TOP2B: variants seen among roughly 807,000 people sequenced by gnomAD.
TOP2B encodes DNA topoisomerase II beta.
In TOP2B, 51 loss-of-function variants were observed where a neutral mutation model predicts 193.5. The ratio of observed to expected loss-of-function variants is 0.26; its 90% CI spans 0.21 to 0.33. The LOEUF (loss-of-function observed/expected upper bound fraction) is 0.33, where lower values mean the gene tolerates loss of function less well. Among genes scored for constraint, TOP2B ranks in the 10% least tolerant of loss-of-function variants. The pLI, the probability that TOP2B is intolerant of heterozygous loss-of-function variation, is 1.00. For synonymous variants in TOP2B, 634 were observed against 635.7 expected (o/e 1.00, Z 0.04); for missense variants, 1,378 against 1,909.3 (o/e 0.72, Z 5.19).
At chr3:25,617,961 A>C (rs1702549331) in intron 25 of TOP2B, among the ~76,000 whole-genome samples, 2 of 152,210 alleles carry the variant, frequency 1.3e-5, no homozygotes, top group Non-Finnish European at 2.9e-5. Flanking sequence ...AATACTGTCT[A>C]TAATAATTAA....
Position 25,629,160 on chromosome 3 carries a change from G to A in TOP2B, c.1690-15C>T, listed in dbSNP as rs752771838. 5 of 1,496,006 alleles carry A rather than the reference G, an allele frequency of 3.3e-6. No homozygotes were observed. In the East Asian group the frequency reaches 6.9e-5, roughly 21 times the overall value. 92.7% of individuals were successfully genotyped at this position (1,496,006 alleles called of 1,614,324 possible). A position where few individuals can be genotyped will look rare whatever the true frequency, so the allele number is the denominator to read the frequency against. On this transcript the variant is annotated splice_polypyrimidine_tract_variant and intron_variant, in intron 13 of 35. Transcript: ENST00000264331. ...CCATCTTGATCCTAAATAAATGTTA[G>A]TAAAGTAAAAAATGTTGTAATACTT...
rs1704026069 is a variant in TOP2B, at chr3:25,664,413, C to T, written c.-116G>A. On this transcript the variant is annotated 5_prime_UTR_variant, in exon 1 of 36. Transcript: ENST00000264331. ...GCTCCACTCGCCGCACTCCTAGCCGCGCCGACCCCCGCGCCCCATCGCGAA... is the reference window on the plus strand; with the variant it reads ...GCTCCACTCGCCGCACTCCTAGCCGTGCCGACCCCCGCGCCCCATCGCGAA... The T allele has an allele frequency of 2.3e-6, 3 of 1,287,646 alleles. No individual in the cohort carries two copies. Among genetic ancestry groups the T allele is most frequent in the Non-Finnish European group, 2.9e-6 (3 of 1,023,898 alleles). 79.8% of individuals were successfully genotyped at this position (1,287,646 alleles called of 1,614,324 possible). A position where few individuals can be genotyped will look rare whatever the true frequency, so the allele number is the denominator to read the frequency against.
At chr3:25,636,520 C>T (rs1016571146) in intron 6 of TOP2B, among the ~76,000 whole-genome samples, 2 of 151,964 alleles carry the variant, frequency 1.3e-5, no homozygotes, top group Admixed American at 1.3e-4. Context: ...AATACTACCC[C>T]ATTTTATATA....
At chr3:25,609,155 T>G in intron 30 of TOP2B, 28 bp downstream of exon 30, 1 of 1,570,544 alleles carries the variant, frequency 6.4e-7, no homozygotes, top group Non-Finnish European at 8.7e-7. Context: ...AACTATAATA[T>G]ACAGTAATAT....
At chr3:25,630,278 G>A (rs1702919608) in intron 12 of TOP2B, 34 bp downstream of exon 12, 11 of 1,541,218 alleles carry the variant, frequency 7.1e-6, no homozygotes, top group East Asian at 2.4e-5. Flanking sequence ...GTGTGCATGT[G>A]TGTATACACA....
At chr3:25,642,028 G>A (rs954951871) in intron 4 of TOP2B, among the ~76,000 whole-genome samples, 3 of 152,058 alleles carry the variant, frequency 2.0e-5, no homozygotes, top group Non-Finnish European at 4.4e-5. Flanking sequence ...ACTAACAATA[G>A]CCCTTAGCCT....
intron 1 of TOP2B, among the ~76,000 whole-genome samples, chr3:25,654,932 A>G (rs903536132): frequency 6.6e-6 from 1 of 152,200 alleles, no homozygotes; most frequent in East Asian, 1.9e-4. Context: ...CCTAAAAGTA[A>G]TACCTAAAAC....
chr3:25,607,417 G>A, intron 30 of TOP2B, 42 bp from the exon 31 acceptor site: 1 of 1,535,610 alleles, frequency 6.5e-7, no homozygotes, highest in Non-Finnish European at 8.8e-7. Flanking sequence ...TCAAATCCTA[G>A]CTTTGTATAC....
At chr3:25,629,837 C>T (rs1702908542) in intron 13 of TOP2B, among the ~76,000 whole-genome samples, 192 bp downstream of exon 13, 1 of 152,058 alleles carries the variant, frequency 6.6e-6, no homozygotes, top group African/African-American at 2.4e-5. Context: ...CTTAGTTACC[C>T]CAAAAATCAG....
At chr3:25,627,931 C>T (rs1230281787) in intron 15 of TOP2B, among the ~76,000 whole-genome samples, 3 of 151,840 alleles carry the variant, frequency 2.0e-5, no homozygotes, top group East Asian at 1.9e-4. Context: ...CATAGTGGCA[C>T]ATGCCTGTAA....
chr3:25,599,258 T>C (rs1702022156), intron 35 of TOP2B, among the ~76,000 whole-genome samples, 177 bp downstream of exon 35: 1 of 152,134 alleles, frequency 6.6e-6, no homozygotes, highest in South Asian at 2.1e-4. Context: ...ATTTAGGAAA[T>C]AGTCCTGATT....
At position 25,664,645 on chromosome 3, in the gene TOP2B, A is replaced by T. The variant is rs1704036801; in HGVS notation, c.-348T>A. The T allele has an allele frequency of 3.0e-6, 3 of 989,168 alleles. No individual in the cohort carries two copies. 61.3% of individuals were successfully genotyped at this position (989,168 alleles called of 1,614,324 possible). A position where few individuals can be genotyped will look rare whatever the true frequency, so the allele number is the denominator to read the frequency against. On this transcript the variant is annotated 5_prime_UTR_variant, in exon 1 of 36. Transcript: ENST00000264331. ...GGCCGGGCTGAAGCCCGGGCGTGCG[A>T]GCCGCGAGGGCGGCCGGGGAGCCCG...
chr3:25,598,716 A>AAAATG (rs1190936184), intron 35 of TOP2B, among the ~76,000 whole-genome samples: 2 of 152,216 alleles, frequency 1.3e-5, no homozygotes, highest in Non-Finnish European at 2.9e-5. Flanking sequence ...TCTAGCCTGA[A>AAAATG]AAATGTAACA....
chr3:25,604,738 T>C (rs1321375167), intron 33 of TOP2B, 22 bp downstream of exon 33: 1 of 1,540,820 alleles, frequency 6.5e-7, no homozygotes, highest in Non-Finnish European at 9.0e-7. Context: ...AATGCTTAAC[T>C]CAATCAAATA....
At chr3:25,630,766 TAAATC>T (rs766018057) in intron 11 of TOP2B, 30 bp downstream of exon 11, 6 of 1,481,576 alleles carry the variant, frequency 4.0e-6, no homozygotes, top group Non-Finnish European at 1.8e-6. Context: ...AAGTGAAACT[TAAATC>T]AAAATCTTAT....
intron 7 of TOP2B, among the ~76,000 whole-genome samples, chr3:25,634,401 C>A (rs1363770842): frequency 6.6e-6 from 1 of 152,072 alleles, no homozygotes; most frequent in Non-Finnish European, 1.5e-5. Flanking sequence ...CATGAACCCA[C>A]TGAAGAACTG....
At position 25,624,675 on chromosome 3, in the gene TOP2B, T is replaced by C. The variant is rs759666035; in HGVS notation, c.2346+7A>G. The C allele has an allele frequency of 1.9e-6, 3 of 1,612,928 alleles. No individual in the cohort carries two copies. The highest frequency in any genetic ancestry group is 2.5e-6 in the Non-Finnish European group (3 of 1,179,544). On this transcript the variant is annotated splice_region_variant and intron_variant, in intron 19 of 35. Transcript: ENST00000264331. ...AGTTCTCAATTGATTCCAATCTTAA[T>C]GCTTACTTCTCCATGATGATAAGCC... is the stretch of plus-strand genomic sequence containing the variant.
intron 1 of TOP2B, among the ~76,000 whole-genome samples, chr3:25,663,941 GAA>G (rs145134923): frequency 0.18 from 27,977 of 151,976 alleles, 3,789 homozygotes; most frequent in African/African-American, 0.39. Context: ...TGGTTAAAAA[GAA>G]AAGAGAGGAA....
At chr3:25,643,123 C>A (rs1703312033) in intron 3 of TOP2B, among the ~76,000 whole-genome samples, 2 of 152,168 alleles carry the variant, frequency 1.3e-5, no homozygotes, top group Non-Finnish European at 1.5e-5. Flanking sequence ...TCAAGTTGCA[C>A]TGATGAGGTG....
Sources: allele counts gnomAD v4.1 joint callset (sites outside exome capture counted in the v4.1 genomes callset), GRCh38; gene constraint gnomAD v4.1.1; transcripts MANE v1.5; gene names NCBI Gene and HGNC (gene_info 2026-07-23, HGNC 2026-07-21).